The following OGFRL1 variants were observed in gnomAD, a reference collection of about 807,000 sequenced individuals.
OGFRL1 encodes opioid growth factor receptor like 1.
A neutral mutation model predicts 32.4 loss-of-function variants in OGFRL1; 26 were observed. The ratio of observed to expected loss-of-function variants is 0.80; its 90% CI spans 0.59 to 1.11. The LOEUF is 1.11. OGFRL1 is among the 50% of genes most tolerant of loss of function. The pLI, the probability that OGFRL1 is intolerant of heterozygous loss-of-function variation, is 0.00. For synonymous variants in OGFRL1, 211 were observed against 201.2 expected (o/e 1.05, Z -0.41); for missense variants, 521 against 546.4 (o/e 0.95, Z 0.46).
At chr6:71,296,453 G>A in intron 4 of OGFRL1, 42 bp from the exon 5 acceptor site, 2 of 1,594,942 alleles carry the variant, frequency 1.3e-6, no homozygotes, top group Non-Finnish European at 8.6e-7. Flanking sequence ...ATGTTTTCCA[G>A]ACAACGTTAA....
At chr6:71,289,283 C>T (rs1765963629) in intron 1 of OGFRL1, 113 bp downstream of exon 1, 1 of 1,010,696 alleles carries the variant, frequency 9.9e-7, no homozygotes, top group Non-Finnish European at 1.2e-6. Context: ...TGGCTGCTCG[C>T]CGCTGCGACC....
At chr6:71,296,926 T>G in intron 6 of OGFRL1, 109 bp downstream of exon 6, 1 of 1,289,982 alleles carries the variant, frequency 7.8e-7, no homozygotes. Context: ...GCCCAGGAAT[T>G]TGGATTAAAA....
Position 71,296,391 on chromosome 6 carries a change from C to T in OGFRL1, c.475C>T (p.Gln159Ter), listed in dbSNP as rs958865250. ...ACTGGAGCACAACCACACTTACATT[C>T]AATGGTCAGTTACATATTATCTATC... is the stretch of plus-strand genomic sequence containing the variant. Reference protein sequence around the residue: ...EKLEHNHTYIQWLFPLREQGL... With the variant: ...EKLEHNHTYI The change falls in exon 4 of 7, where the codon CAA becomes TAA. Residue 159 changes from glutamine (Q) to a stop codon, truncating the protein, a stop_gained. Transcript: ENST00000370435. LOFTEE classifies it high-confidence loss of function. 1 of 1,610,576 alleles carries T rather than the reference C, an allele frequency of 6.2e-7. No individual in the cohort carries two copies. Among genetic ancestry groups the T allele is most frequent in the African/African-American group, 1.3e-5 (1 of 74,790 alleles).
chr6:71,296,280 G>T, intron 3 of OGFRL1, 37 bp from the exon 4 acceptor site: 5 of 1,402,680 alleles, frequency 3.6e-6, no homozygotes, highest in Non-Finnish European at 5.0e-6. Flanking sequence ...CACAATGTTT[G>T]AAATGTCTGG....
intron 1 of OGFRL1, 54 bp downstream of exon 1, chr6:71,289,224 AG>A: frequency 9.6e-7 from 1 of 1,041,536 alleles, no homozygotes; most frequent in Non-Finnish European, 1.2e-6. Flanking sequence ...GACACCCCAG[AG>A]GGGCAAGTGC....
chr6:71,297,502 ACT>A (rs1766247955), intron 6 of OGFRL1, among the ~76,000 whole-genome samples: 1 of 151,940 alleles, frequency 6.6e-6, no homozygotes, highest in Non-Finnish European at 1.5e-5. Context: ...CTTCATATTC[ACT>A]GTCTATTTTC....
intron 6 of OGFRL1, among the ~76,000 whole-genome samples, chr6:71,299,111 T>C (rs1240077465): frequency 6.6e-6 from 1 of 152,184 alleles, no homozygotes; most frequent in African/African-American, 2.4e-5. Flanking sequence ...TACTGAGCCA[T>C]ATTTAGACCC....
chr6:71,302,560 C>T lies in OGFRL1; in HGVS notation c.*511C>T, dbSNP rs538534101. On this transcript the variant is annotated 3_prime_UTR_variant, in exon 7 of 7. Transcript: ENST00000370435. ...GATCTCGGCTCACTGCAACCTCTGC[C>T]TCCTGGACTCAAACGATTCTCCTGC... is the stretch of plus-strand genomic sequence containing the variant. 1 of 152,506 alleles carries T rather than the reference C, an allele frequency of 6.6e-6. No homozygotes were observed. The highest frequency in any genetic ancestry group is 2.4e-5 in the African/African-American group (1 of 41,550). 9.4% of individuals were successfully genotyped at this position (152,506 alleles called of 1,614,324 possible).
chr6:71,302,773 T>G lies in OGFRL1; in HGVS notation c.*724T>G, dbSNP rs1019816571. On this transcript the variant is annotated 3_prime_UTR_variant, in exon 7 of 7. Transcript: ENST00000370435. ...GCATGAGCCACCATGTCTGGCTGAT[T>G]AATTTTTTTTTTAACTGTAAGAGTT... The G allele has an allele frequency of 1.3e-5, 2 of 152,222 alleles. No individual in the cohort carries two copies. The highest frequency in any genetic ancestry group is 4.8e-5 in the African/African-American group (2 of 41,436). 9.4% of individuals were successfully genotyped at this position (152,222 alleles called of 1,614,324 possible).
Position 71,301,777 on chromosome 6 carries a change from A to G in OGFRL1, c.1084A>G (p.Thr362Ala). The G allele has an allele frequency of 6.2e-7, 1 of 1,613,890 alleles. No homozygotes were observed. Among genetic ancestry groups the G allele is most frequent in the Non-Finnish European group, 8.5e-7 (1 of 1,179,992 alleles). ...CTCAGCTGTTCATTTAAATAGCAAA[A>G]CAGCTGAAGACAAAAAAGTGGCACC... ...SSSAVHLNSK[T>A]AEDKKVAPKE... Residue 362 changes from threonine (T) to alanine (A), a missense_variant, in exon 7 of 7, where the codon ACA becomes GCA. By Grantham distance (58) the Thr-to-Ala change is moderately conservative. Transcript: ENST00000370435.
rs1348197301 is a variant in OGFRL1 at position 71,303,566 on chromosome 6, G to T, written c.*1517G>T. ...AAAATAAGAAATTCCTTTTTAAAAG[G>T]CATGCCTCTTGCACTGTGAACAAGA... On this transcript the variant is annotated 3_prime_UTR_variant, in exon 7 of 7. Transcript: ENST00000370435. The T allele has an allele frequency of 6.6e-6, 1 of 152,110 alleles. No homozygotes were observed. Among genetic ancestry groups the T allele is most frequent in the Non-Finnish European group, 1.5e-5 (1 of 68,002 alleles). The allele number at this position is 152,110 out of a possible 1,614,324, so 9.4% of individuals were successfully genotyped here.
At chr6:71,291,892 C>T (rs1186351102) in intron 1 of OGFRL1, 3 of 152,188 alleles carry the variant, frequency 2.0e-5, no homozygotes, top group Non-Finnish European at 2.9e-5. Flanking sequence ...TTGATTCAGA[C>T]CTGGACTTGG....
intron 3 of OGFRL1, 63 bp downstream of exon 3, chr6:71,293,674 A>C: frequency 8.6e-7 from 1 of 1,163,990 alleles, no homozygotes; most frequent in Non-Finnish European, 1.3e-6. Flanking sequence ...GTTATTCTTT[A>C]TTTTGTGGTT....
Position 71,296,387 on chromosome 6 carries a change from C to G in OGFRL1, c.471C>G (p.Tyr157Ter). The G allele has an allele frequency of 1.9e-6, 3 of 1,611,044 alleles. No homozygotes were observed. Among genetic ancestry groups the G allele is most frequent in the Non-Finnish European group, 2.5e-6 (3 of 1,177,656 alleles). The stretch of plus-strand genomic sequence containing the variant: ...AAAAACTGGAGCACAACCACACTTA[C>G]ATTCAATGGTCAGTTACATATTATC... ...DYEKLEHNHT[Y>*]IQWLFPLREQ... Residue 157 changes from tyrosine (Y) to a stop codon, truncating the protein, a stop_gained, in exon 4 of 7, where the codon TAC becomes TAG. Coordinates refer to ENST00000370435, the MANE Select transcript of OGFRL1 (RefSeq NM_024576.5). LOFTEE classifies it high-confidence loss of function.
At position 71,301,870 on chromosome 6, in the gene OGFRL1, A is replaced by G; in HGVS notation, c.1177A>G (p.Asn393Asp). 6.2e-7 allele frequency: 1 copy of G among 1,613,236 alleles called. No individual in the cohort carries two copies. Among genetic ancestry groups the G allele is most frequent in the Non-Finnish European group, 8.5e-7 (1 of 1,179,714 alleles). The change falls in exon 7 of 7, where the codon AAT becomes GAT. Residue 393 changes from asparagine to aspartate, a missense_variant. Asn to Asp is a conservative substitution (Grantham distance 23). Transcript: ENST00000370435. ...EPSNEAAKPRNTEKDSNAENM... is the reference protein window; with the variant it reads ...EPSNEAAKPRDTEKDSNAENM... ...CAGCAATGAAGCTGCCAAGCCAAGA[A>G]ATACAGAGAAGGACAGTAATGCTGA...
chr6:71,293,147 A>G, intron 1 of OGFRL1, 146 bp from the exon 2 acceptor site: 1 of 622,450 alleles, frequency 1.6e-6, no homozygotes. Flanking sequence ...GCGTTATTAA[A>G]GGAATATTTA....
In OGFRL1 at chr6:71,301,893, T is replaced by C. The variant is rs760336617; in HGVS notation, c.1200T>C (p.Ala400=). 3.7e-6 allele frequency: 6 copies of C among 1,613,930 alleles called. No individual in the cohort carries two copies. The Admixed American group carries it at 8.3e-5, about 22-fold the overall frequency. ...GAAATACAGAGAAGGACAGTAATGC[T>C]GAGAACATGAATTCTCAACCTGAGA... is the stretch of plus-strand genomic sequence containing the variant. ...KPRNTEKDSN[A]ENMNSQPEKT... Residue 400 remains alanine, a synonymous_variant, in exon 7 of 7, where the codon GCT becomes GCC. Transcript: ENST00000370435.
chr6:71,300,752 A>G (rs543364990), intron 6 of OGFRL1, among the ~76,000 whole-genome samples: 1 of 152,330 alleles, frequency 6.6e-6, no homozygotes, highest in East Asian at 1.9e-4. Context: ...AGTTTCACTT[A>G]GCTGCTAAGT....
rs1422834719 is a variant in OGFRL1, at chr6:71,305,322, TA to T, written c.*3274del. ...TATTTTTAAATACTGTAAAGTGACA[TA>T]TAGTTATAAGATATATTTCTGTACA... is the stretch of plus-strand genomic sequence containing the variant. On this transcript the variant is annotated 3_prime_UTR_variant, in exon 7 of 7. Transcript: ENST00000370435. 6.6e-6 allele frequency: 1 copy of T among 152,048 alleles called. No homozygotes were observed. The highest frequency in any genetic ancestry group is 1.5e-5 in the Non-Finnish European group (1 of 67,910). 9.4% of individuals were successfully genotyped at this position (152,048 alleles called of 1,614,324 possible).
Sources: gnomAD v4.1 joint callset for allele counts (sites outside exome capture counted in the v4.1 genomes callset) on GRCh38, gnomAD v4.1.1 for gene constraint, MANE v1.5 for transcripts, NCBI Gene and HGNC (gene_info 2026-07-23, HGNC 2026-07-21) for gene names.